VRK2: variants seen among roughly 807,000 people sequenced by gnomAD.
VRK2 encodes serine/threonine-protein kinase VRK2.
In VRK2, 60 loss-of-function variants were observed where a neutral mutation model predicts 57.6. The ratio of observed to expected loss-of-function variants is 1.04; its 90% CI spans 0.85 to 1.29. The LOEUF (loss-of-function observed/expected upper bound fraction) is 1.29, where lower values mean the gene tolerates loss of function less well. VRK2 is among the 50% of genes most tolerant of loss of function. The pLI, the probability that VRK2 is intolerant of heterozygous loss-of-function variation, is 0.00. For synonymous variants in VRK2, 231 were observed against 199.2 expected, an observed-to-expected ratio of 1.16 and a Z score of -1.35; for missense variants, 705 against 588.1, an observed-to-expected ratio of 1.20 and a Z score of -2.06.
chr2:58,087,623 A>T (rs1671811156), intron 5 of VRK2, among the ~76,000 whole-genome samples: 1 of 152,178 alleles, frequency 6.6e-6, no homozygotes, highest in African/African-American at 2.4e-5. Flanking sequence ...GAAAAGGAAG[A>T]AGTGCACTTA....
At chr2:58,002,252 G>C (rs963594600) in intron 1 of VRK2, among the ~76,000 whole-genome samples, 2 of 152,102 alleles carry the variant, frequency 1.3e-5, no homozygotes, top group African/African-American at 4.8e-5. Context: ...AGGCTGTGGC[G>C]GATCACCCGA....
chr2:58,125,290 T>C (rs1346747175), intron 8 of VRK2, among the ~76,000 whole-genome samples: 1 of 152,174 alleles, frequency 6.6e-6, no homozygotes, highest in African/African-American at 2.4e-5. Context: ...CTGTGGTAAA[T>C]CTGAAAGACC....
intron 1 of VRK2, among the ~76,000 whole-genome samples, chr2:58,023,276 A>G (rs1216731604): frequency 1.3e-5 from 2 of 152,190 alleles, no homozygotes; most frequent in African/African-American, 2.4e-5. Flanking sequence ...CATGTCTTCA[A>G]TGTTCATCCC....
At chr2:57,954,553 T>C (rs1348283225) in intron 1 of VRK2, among the ~76,000 whole-genome samples, 2 of 152,106 alleles carry the variant, frequency 1.3e-5, no homozygotes, top group Admixed American at 6.6e-5. Flanking sequence ...CTAAGTTACA[T>C]CTTTTAGGAA....
At chr2:58,051,886 GTTCT>G (rs1476424780) in intron 2 of VRK2, among the ~76,000 whole-genome samples, 1 of 152,140 alleles carries the variant, frequency 6.6e-6, no homozygotes, top group African/African-American at 2.4e-5. Context: ...CAAAGTCAAA[GTTCT>G]TTCTTTGAAT....
intron 1 of VRK2, among the ~76,000 whole-genome samples, chr2:57,927,826 G>C (rs949481256): frequency 1.3e-5 from 2 of 152,158 alleles, no homozygotes; most frequent in Non-Finnish European, 2.9e-5. Context: ...TAGGATAAAA[G>C]TGGGGTTTTT....
intron 7 of VRK2, among the ~76,000 whole-genome samples, chr2:58,101,154 T>C (rs1482210734): frequency 2.6e-5 from 4 of 151,716 alleles, no homozygotes; most frequent in African/African-American, 9.7e-5. Flanking sequence ...TTAAAATATT[T>C]TGTGAGGCTT....
In VRK2 at chr2:58,159,334, G is replaced by GTAT. The variant is rs753094121; in HGVS notation, c.1183-13_1183-11dup. The GTAT allele has an allele frequency of 1.3e-6, 2 of 1,574,564 alleles. No homozygotes were observed. Among genetic ancestry groups the GTAT allele is most frequent in the South Asian group, 2.4e-5 (2 of 84,802 alleles). ...ACGTCTAACAAACTAAACTATATAT[G>GTAT]TATTTTTTCCATAGGAAAGCACAAG... is the stretch of plus-strand genomic sequence containing the variant. On this transcript the variant is annotated splice_polypyrimidine_tract_variant and intron_variant, in intron 12 of 12. Transcript: ENST00000340157.
At chr2:58,151,224 T>C (rs1468545878) in intron 12 of VRK2, among the ~76,000 whole-genome samples, 3 of 151,636 alleles carry the variant, frequency 2.0e-5, no homozygotes, top group African/African-American at 2.4e-5. Flanking sequence ...CTATACATTT[T>C]TGCTTCTATA....
At chr2:58,113,057 T>G (rs1461620939) in intron 7 of VRK2, among the ~76,000 whole-genome samples, 1 of 152,144 alleles carries the variant, frequency 6.6e-6, no homozygotes, top group East Asian at 1.9e-4. Flanking sequence ...ACGCCTGTAA[T>G]CCCAGCACTT....
At chr2:57,966,058 G>A (rs1254404532) in intron 1 of VRK2, among the ~76,000 whole-genome samples, 1 of 152,180 alleles carries the variant, frequency 6.6e-6, no homozygotes, top group Non-Finnish European at 1.5e-5. Flanking sequence ...GCCTCACAGA[G>A]GATGGCAAGG....
chr2:58,139,948 C>T (rs570883655), intron 11 of VRK2, 116 bp downstream of exon 11: 4 of 1,146,208 alleles, frequency 3.5e-6, no homozygotes, highest in Admixed American at 2.8e-5. Flanking sequence ...TTATATTTAA[C>T]TCCCATTTTG....
At chr2:58,119,717 C>G (rs1329342237) in intron 7 of VRK2, among the ~76,000 whole-genome samples, 1 of 151,088 alleles carries the variant, frequency 6.6e-6, no homozygotes, top group Non-Finnish European at 1.5e-5. Flanking sequence ...AACAAAACTT[C>G]CATGAGAATC....
At chr2:57,917,715 A>G (rs1264428975) in intron 1 of VRK2, among the ~76,000 whole-genome samples, 1 of 151,760 alleles carries the variant, frequency 6.6e-6, no homozygotes, top group Non-Finnish European at 1.5e-5. Context: ...TTGACAAATG[A>G]AATGTTGATA....
chr2:58,025,901 T>A (rs1359183022), intron 2 of VRK2: 1 of 152,238 alleles, frequency 6.6e-6, no homozygotes, highest in Non-Finnish European at 1.5e-5. Context: ...TTTGCTCCCA[T>A]ACTCCTAGTT....
chr2:58,057,754 A>G (rs1168874249), intron 2 of VRK2, among the ~76,000 whole-genome samples: 1 of 152,140 alleles, frequency 6.6e-6, no homozygotes. Context: ...ACATAGTCAG[A>G]AGCTTTTGTT....
chr2:58,117,568 T>C (rs1034898699), intron 7 of VRK2, among the ~76,000 whole-genome samples: 1 of 151,982 alleles, frequency 6.6e-6, no homozygotes, highest in African/African-American at 2.4e-5. Context: ...AGATTTGGGA[T>C]GAGTTGCACT....
At chr2:58,137,008 T>TTA (rs751594903) in intron 10 of VRK2, among the ~76,000 whole-genome samples, 3 of 126,902 alleles carry the variant, frequency 2.4e-5, no homozygotes, top group Non-Finnish European at 4.6e-5. Context: ...ATCATATATA[T>TTA]TATATATATC....
chr2:58,065,930 T>C (rs1668544735), intron 2 of VRK2, among the ~76,000 whole-genome samples: 1 of 151,958 alleles, frequency 6.6e-6, no homozygotes, highest in East Asian at 1.9e-4. Context: ...TAGTAGTATG[T>C]TGTGTGTTGT....
Sources: allele counts gnomAD v4.1 joint callset (sites outside exome capture counted in the v4.1 genomes callset), GRCh38; gene constraint gnomAD v4.1.1; transcripts MANE v1.5; gene names NCBI Gene and HGNC (gene_info 2026-07-23, HGNC 2026-07-21).